The following MSRA variants were observed in gnomAD, a reference collection of about 807,000 sequenced individuals.
MSRA encodes mitochondrial peptide methionine sulfoxide reductase.
MSRA carries 54 observed loss-of-function variants against 31.3 expected under a neutral mutation model. The ratio of observed to expected loss-of-function variants is 1.73; its 90% confidence interval spans 1.39 to 2.17. MSRA has a LOEUF of 2.17. Among genes scored for constraint, MSRA ranks in the 30% most tolerant of loss-of-function variants. MSRA has a pLI of 0.00. For missense variants in MSRA, 507 were observed against 300.9 expected (o/e 1.69, Z -5.07); for synonymous variants, 169 against 116.5 (o/e 1.45, Z -2.90).
intron 2 of MSRA, among the ~76,000 whole-genome samples, chr8:10,225,584 T>C (rs1453370833): frequency 6.6e-6 from 1 of 152,174 alleles, no homozygotes; most frequent in Non-Finnish European, 1.5e-5. Flanking sequence ...TAGGTTTGAA[T>C]AGAGGAGCAA....
At chr8:10,088,854 C>T (rs988082400) in intron 1 of MSRA, among the ~76,000 whole-genome samples, 3 of 152,100 alleles carry the variant, frequency 2.0e-5, no homozygotes, top group African/African-American at 4.8e-5. Flanking sequence ...ATCTAAAGGA[C>T]GTTATGCTAA....
chr8:10,090,915 A>T (rs1798819748), intron 1 of MSRA, among the ~76,000 whole-genome samples: 1 of 152,178 alleles, frequency 6.6e-6, no homozygotes, highest in Non-Finnish European at 1.5e-5. Context: ...GCCCAACAAC[A>T]TTGTATCCGT....
At chr8:10,301,490 G>A (rs773777276) in intron 3 of MSRA, 44 bp from the exon 4 acceptor site, 3 of 1,472,216 alleles carry the variant, frequency 2.0e-6, no homozygotes, top group Non-Finnish European at 1.9e-6. Flanking sequence ...GCAATAAATG[G>A]ATGTTGTCAG....
chr8:10,106,081 C>T (rs763397892), intron 1 of MSRA, among the ~76,000 whole-genome samples: 4 of 152,160 alleles, frequency 2.6e-5, no homozygotes, highest in Non-Finnish European at 5.9e-5. Context: ...CATTTGGCAC[C>T]ACTGCGTGTC....
At chr8:10,200,275 C>T (rs755354832) in intron 1 of MSRA, among the ~76,000 whole-genome samples, 7 of 152,190 alleles carry the variant, frequency 4.6e-5, no homozygotes, top group Admixed American at 2.6e-4. Context: ...ATTTGTTTTT[C>T]GTGCTGTGAT....
chr8:10,283,832 T>TACAC (rs1338639680), intron 3 of MSRA, among the ~76,000 whole-genome samples: 2,456 of 64,934 alleles, frequency 0.038, 34 homozygotes, highest in Non-Finnish European at 0.054. Flanking sequence ...TATATATATA[T>TACAC]ATATACACAC....
chr8:10,067,223 T>C (rs1372933721), intron 1 of MSRA, among the ~76,000 whole-genome samples: 6 of 152,202 alleles, frequency 3.9e-5, no homozygotes. Context: ...TTTTTTATTG[T>C]CTCCATAGTC....
At chr8:10,352,935 CT>C in intron 5 of MSRA, among the ~76,000 whole-genome samples, 1 of 152,140 alleles carries the variant, frequency 6.6e-6, no homozygotes, top group Non-Finnish European at 1.5e-5. Flanking sequence ...GATGAGCCCA[CT>C]TGCAATCTCT....
intron 1 of MSRA, among the ~76,000 whole-genome samples, chr8:10,064,983 T>C (rs559371390): frequency 1.3e-5 from 2 of 152,140 alleles, no homozygotes; most frequent in Admixed American, 1.3e-4. Flanking sequence ...CGTAAGAGTT[T>C]GCAGAATGGA....
At chr8:10,142,203 C>T (rs1262228644) in intron 1 of MSRA, among the ~76,000 whole-genome samples, 2 of 151,938 alleles carry the variant, frequency 1.3e-5, no homozygotes, top group Non-Finnish European at 2.9e-5. Flanking sequence ...GGTGATCCAC[C>T]CACCTTGACC....
chr8:10,181,386 G>A lies in MSRA; in HGVS notation c.143-26447G>A, dbSNP rs140431423. Among the ~76,000 whole-genome samples, 48 of 151,400 alleles carry A rather than the reference G, an allele frequency of 3.2e-4. 1 individual carries two copies. Among genetic ancestry groups the A allele is most frequent in the African/African-American group, 7.3e-4 (30 of 41,182 alleles). On this transcript the variant is annotated intron_variant, in intron 1 of 5. Coordinates refer to ENST00000317173, the MANE Select transcript of MSRA (RefSeq NM_012331.5). ...AATCTTGAGATGATCAAAAGACAGC[G>A]TGCAGTATAGCTTGTGCACACGTAC...
intron 1 of MSRA, among the ~76,000 whole-genome samples, chr8:10,141,339 C>T (rs1802688379): frequency 6.6e-6 from 1 of 152,176 alleles, no homozygotes; most frequent in South Asian, 2.1e-4. Flanking sequence ...GAAAAGTTTC[C>T]ATGACTTGTG....
chr8:10,293,238 C>T (rs1179632446), intron 3 of MSRA, among the ~76,000 whole-genome samples: 1 of 152,104 alleles, frequency 6.6e-6, no homozygotes, highest in Non-Finnish European at 1.5e-5. Context: ...GTGCGCCATC[C>T]CTATGATGGG....
At chr8:10,132,783 G>T (rs973483158) in intron 1 of MSRA, among the ~76,000 whole-genome samples, 3 of 152,224 alleles carry the variant, frequency 2.0e-5, no homozygotes, top group African/African-American at 7.2e-5. Context: ...GATCAGAAAG[G>T]TTAAACAGTT....
chr8:10,390,468 C>T (rs950438159), intron 5 of MSRA, among the ~76,000 whole-genome samples: 6 of 152,216 alleles, frequency 3.9e-5, no homozygotes, highest in Non-Finnish European at 5.9e-5. Context: ...TTCCTCCCCA[C>T]TCCCACCCGT....
Position 10,307,134 on chromosome 8 carries a change from C to A in MSRA, c.436+5496C>A, listed in dbSNP as rs561779031. Among the ~76,000 whole-genome samples the A allele has an allele frequency of 1.6e-3, 247 of 151,300 alleles. 1 individual carries two copies. Among genetic ancestry groups the A allele is most frequent in the Non-Finnish European group, 2.0e-3 (136 of 67,946 alleles). On this transcript the variant is annotated intron_variant, in intron 4 of 5. Transcript: ENST00000317173. ...TTTCCATACACTAGAGGAATCCAAG[C>A]TTCCTGACTAGGAAGACCTCTTCTA...
At chr8:10,403,503 G>T (rs557337034) in intron 5 of MSRA, among the ~76,000 whole-genome samples, 23 of 152,322 alleles carry the variant, frequency 1.5e-4, no homozygotes, top group Admixed American at 6.5e-4. Flanking sequence ...GCCTGGGCGA[G>T]AGAATTGCCG....
At chr8:10,076,516 A>C (rs1414262041) in intron 1 of MSRA, among the ~76,000 whole-genome samples, 1 of 152,220 alleles carries the variant, frequency 6.6e-6, no homozygotes, top group African/African-American at 2.4e-5. Flanking sequence ...GATTCTCTCA[A>C]AATGACTCTT....
chr8:10,237,220 A>C (rs1812021302), intron 2 of MSRA, among the ~76,000 whole-genome samples: 1 of 152,232 alleles, frequency 6.6e-6, no homozygotes, highest in African/African-American at 2.4e-5. Context: ...CATTTGTATT[A>C]TAAAAACTTG....
Sources: gnomAD v4.1 joint callset for allele counts (sites outside exome capture counted in the v4.1 genomes callset) on GRCh38, gnomAD v4.1.1 for gene constraint, MANE v1.5 for transcripts, NCBI Gene and HGNC (gene_info 2026-07-23, HGNC 2026-07-21) for gene names.